Variants in GRID2 observed in about 807,000 individuals in gnomAD.
The protein encoded by GRID2 is glutamate ionotropic receptor delta type subunit 2.
In GRID2, 33 loss-of-function variants were observed where a neutral mutation model predicts 114.8. The ratio of observed to expected loss-of-function variants is 0.29; its 90% CI spans 0.22 to 0.38. GRID2 has a LOEUF of 0.38. GRID2 is among the 10% of genes least tolerant of loss of function. The pLI is 1.00. For synonymous variants in GRID2, 505 were observed against 449.9 expected, an observed-to-expected ratio of 1.12 and a Z score of -1.55; for missense variants, 1,184 against 1,257.7, an observed-to-expected ratio of 0.94 and a Z score of 0.89.
chr4:93,675,973 C>T (rs1724820371), intron 14 of GRID2, among the ~76,000 whole-genome samples: 1 of 152,256 alleles, frequency 6.6e-6, no homozygotes, highest in African/African-American at 2.4e-5. Context: ...TTTATTGGCA[C>T]TTAATAGCCT....
rs201409577 is a variant in GRID2, at chr4:92,411,653, G to T, written c.88+106909G>T. On this transcript the variant is annotated intron_variant, in intron 1 of 15. Coordinates refer to ENST00000282020, the MANE Select transcript of GRID2 (RefSeq NM_001510.4). ...TGTGTGTGTGTGTGTGTGTGTGTGT[G>T]TGTATATATATATATATATATATAT... Among the ~76,000 whole-genome samples the T allele has an allele frequency of 4.0e-5, 4 of 98,832 alleles. No individual in the cohort carries two copies. In the South Asian group the frequency reaches 1.3e-3, roughly 33 times the overall value. The allele number at this position is 98,832 out of a possible 152,430, so 64.8% of individuals were successfully genotyped here.
At chr4:92,335,785 A>C (rs1727131180) in intron 1 of GRID2, among the ~76,000 whole-genome samples, 1 of 152,220 alleles carries the variant, frequency 6.6e-6, no homozygotes, top group African/African-American at 2.4e-5. Flanking sequence ...CAAATGCCAA[A>C]TTTGCACATA....
intron 8 of GRID2, among the ~76,000 whole-genome samples, chr4:93,328,877 A>C (rs1758139256): frequency 2.0e-5 from 3 of 152,194 alleles, no homozygotes; most frequent in Non-Finnish European, 4.4e-5. Context: ...GACTGGATGA[A>C]ATCGTCCAGG....
intron 2 of GRID2, among the ~76,000 whole-genome samples, chr4:92,751,850 C>G (rs1407944841): frequency 6.6e-6 from 1 of 152,146 alleles, no homozygotes; most frequent in African/African-American, 2.4e-5. Context: ...ATGTTTACAT[C>G]AAGGAGTCTA....
chr4:93,437,391 C>A (rs199913864), intron 10 of GRID2, among the ~76,000 whole-genome samples: 1 of 151,690 alleles, frequency 6.6e-6, no homozygotes, highest in Non-Finnish European at 1.5e-5. Flanking sequence ...CAGAGAAAAA[C>A]AGTTTTGTCT....
intron 2 of GRID2, among the ~76,000 whole-genome samples, chr4:92,888,819 C>A (rs1746547304): frequency 6.7e-6 from 1 of 150,238 alleles, no homozygotes; most frequent in Non-Finnish European, 1.5e-5. Flanking sequence ...CTTATCAGTT[C>A]TTTTTAATGC....
At chr4:93,339,123 T>G (rs1200176418) in intron 8 of GRID2, among the ~76,000 whole-genome samples, 1 of 152,188 alleles carries the variant, frequency 6.6e-6, no homozygotes, top group East Asian at 1.9e-4. Flanking sequence ...GTTATTAGCA[T>G]TTATTGTTGC....
At chr4:93,042,792 T>A (rs995648955) in intron 2 of GRID2, among the ~76,000 whole-genome samples, 1 of 150,808 alleles carries the variant, frequency 6.6e-6, no homozygotes, top group Non-Finnish European at 1.5e-5. Flanking sequence ...TTAAGACCTA[T>A]GTGAATAAAT....
At chr4:92,691,672 C>T (rs1375398565) in intron 2 of GRID2, among the ~76,000 whole-genome samples, 1 of 152,164 alleles carries the variant, frequency 6.6e-6, no homozygotes, top group Non-Finnish European at 1.5e-5. Flanking sequence ...CTTTAATAAT[C>T]CACATAAATG....
At chr4:92,853,687 T>C in intron 2 of GRID2, among the ~76,000 whole-genome samples, 1 of 152,028 alleles carries the variant, frequency 6.6e-6, no homozygotes, top group East Asian at 1.9e-4. Flanking sequence ...CTCTTACCTG[T>C]CAATAGTGGC....
At chr4:92,679,428 T>A (rs1733537453) in intron 2 of GRID2, among the ~76,000 whole-genome samples, 1 of 152,062 alleles carries the variant, frequency 6.6e-6, no homozygotes, top group South Asian at 2.1e-4. Flanking sequence ...TCTGTCTACT[T>A]CTATCACCCT....
intron 4 of GRID2, among the ~76,000 whole-genome samples, chr4:93,154,391 T>A (rs2149400603): frequency 6.6e-6 from 1 of 152,076 alleles, no homozygotes; most frequent in East Asian, 1.9e-4. Context: ...GGTGTAAACA[T>A]CCTTTTCCTT....
At chr4:93,031,130 C>T (rs1225806251) in intron 2 of GRID2, among the ~76,000 whole-genome samples, 2 of 150,566 alleles carry the variant, frequency 1.3e-5, no homozygotes, top group African/African-American at 4.9e-5. Context: ...TCGGCAACCT[C>T]CACCTTCCAG....
chr4:92,832,478 C>T (rs1415766862), intron 2 of GRID2, among the ~76,000 whole-genome samples: 5 of 152,014 alleles, frequency 3.3e-5, no homozygotes, highest in Non-Finnish European at 7.4e-5. Flanking sequence ...ACCGCAACCT[C>T]CGCCTCCCGG....
intron 1 of GRID2, among the ~76,000 whole-genome samples, chr4:93,797,995 A>T (rs1354854296): frequency 6.6e-6 from 1 of 152,026 alleles, no homozygotes; most frequent in Non-Finnish European, 1.5e-5. Flanking sequence ...TCTACTAAAA[A>T]TACAAAAATT....
chr4:93,230,519 T>C (rs1746005573), intron 7 of GRID2, among the ~76,000 whole-genome samples: 1 of 152,194 alleles, frequency 6.6e-6, no homozygotes, highest in Non-Finnish European at 1.5e-5. Flanking sequence ...AAGTTGTTTT[T>C]ATTAGTAACT....
At chr4:92,595,200 TG>T (rs1279020372) in intron 2 of GRID2, among the ~76,000 whole-genome samples, 1 of 151,920 alleles carries the variant, frequency 6.6e-6, no homozygotes, top group Non-Finnish European at 1.5e-5. Context: ...TGAAAGAAAA[TG>T]TATTAAACTA....
chr4:92,938,495 G>A (rs554630166), intron 2 of GRID2, among the ~76,000 whole-genome samples: 1 of 146,520 alleles, frequency 6.8e-6, no homozygotes, highest in African/African-American at 2.4e-5. Context: ...AATTGAGATG[G>A]TTAAAGTACA....
chr4:92,564,590 C>T (rs1428048857), intron 1 of GRID2, among the ~76,000 whole-genome samples: 3 of 151,868 alleles, frequency 2.0e-5, no homozygotes, highest in African/African-American at 7.2e-5. Flanking sequence ...CTTATCAGTA[C>T]TGAGAACAAT....
Sources: gnomAD v4.1 joint callset for allele counts (sites outside exome capture counted in the v4.1 genomes callset) on GRCh38, gnomAD v4.1.1 for gene constraint, MANE v1.5 for transcripts, NCBI Gene and HGNC (gene_info 2026-07-23, HGNC 2026-07-21) for gene names.